TMEM196: variants seen among roughly 807,000 people sequenced by gnomAD.
TMEM196 encodes the protein transmembrane protein 196.
In TMEM196, 17 loss-of-function variants were observed where a neutral mutation model predicts 20.0. The observed-to-expected ratio is 0.85, with a 90% CI of 0.58 to 1.27. The LOEUF (loss-of-function observed/expected upper bound fraction) is 1.27, where lower values mean the gene tolerates loss of function less well. TMEM196 is among the 50% of genes most tolerant of loss of function. TMEM196 has a pLI of 0.00. For missense variants in TMEM196, 267 were observed against 223.0 expected, an observed-to-expected ratio of 1.20 and a Z score of -1.26; for synonymous variants, 113 against 88.9, an observed-to-expected ratio of 1.27 and a Z score of -1.52.
chr7:19,736,908 C>G (rs934159733), intron 1 of TMEM196, among the ~76,000 whole-genome samples: 1 of 151,950 alleles, frequency 6.6e-6, no homozygotes, highest in Admixed American at 6.6e-5. Context: ...TTCCCCAAGT[C>G]TCTAATCTTT....
Position 19,773,460 on chromosome 7 carries a change from G to T in TMEM196, c.-764C>A. 1 of 168,952 alleles carries T rather than the reference G, an allele frequency of 5.9e-6. No homozygotes were observed. 10.5% of individuals were successfully genotyped at this position (168,952 alleles called of 1,614,324 possible). ...CATTGGGGTTTAGGAGGTTGACGGA[G>T]GAGGAAAAAGCCTAATGTATTTGTA... On this transcript the variant is annotated 5_prime_UTR_variant, in exon 1 of 5. Coordinates refer to ENST00000405844, the MANE Select transcript of TMEM196 (RefSeq NM_001363562.2).
intron 1 of TMEM196, among the ~76,000 whole-genome samples, chr7:19,760,738 A>C (rs1344407143): frequency 6.6e-6 from 1 of 152,110 alleles, no homozygotes; most frequent in Non-Finnish European, 1.5e-5. Flanking sequence ...TTCTTTTTTA[A>C]TTAAGCAGCA....
chr7:19,771,711 T>C (rs1202008686), intron 1 of TMEM196, among the ~76,000 whole-genome samples: 2 of 152,232 alleles, frequency 1.3e-5, no homozygotes, highest in Non-Finnish European at 2.9e-5. Flanking sequence ...AGTTATTTTA[T>C]TGAATCTTGG....
At chr7:19,772,527 C>G in intron 1 of TMEM196, 23 bp downstream of exon 1, 1 of 1,527,204 alleles carries the variant, frequency 6.5e-7, no homozygotes, top group Non-Finnish European at 8.8e-7. Flanking sequence ...AATGGCTCAA[C>G]GTACACACAC....
chr7:19,732,587 A>AAC (rs1554298173), intron 1 of TMEM196, among the ~76,000 whole-genome samples: 5,706 of 104,440 alleles, frequency 0.055, 377 homozygotes, highest in African/African-American at 0.22. Flanking sequence ...AAAAAAAACA[A>AAC]AAAAAAAAAA....
chr7:19,760,030 T>A (rs543429874), intron 1 of TMEM196, among the ~76,000 whole-genome samples: 1 of 152,198 alleles, frequency 6.6e-6, no homozygotes, highest in Admixed American at 6.5e-5. Flanking sequence ...TACGGAAAAA[T>A]CTAAATGTTG....
chr7:19,748,253 T>C (rs150416860), intron 1 of TMEM196, among the ~76,000 whole-genome samples: 5 of 107,718 alleles, frequency 4.6e-5, no homozygotes, highest in African/African-American at 2.1e-4. Context: ...AGATGTTCAC[T>C]GTGGCTGTCC....
chr7:19,741,960 T>C (rs184921386), intron 1 of TMEM196, among the ~76,000 whole-genome samples: 23 of 152,172 alleles, frequency 1.5e-4, no homozygotes, highest in African/African-American at 5.5e-4. Flanking sequence ...GCTGAGATGC[T>C]ATTACCTGCT....
chr7:19,759,652 G>A (rs190029023), intron 1 of TMEM196, among the ~76,000 whole-genome samples: 2 of 151,340 alleles, frequency 1.3e-5, no homozygotes, highest in African/African-American at 2.4e-5. Context: ...GCACACACAC[G>A]CAGGCACACA....
intron 1 of TMEM196, among the ~76,000 whole-genome samples, chr7:19,738,918 T>G (rs1224018597): frequency 6.6e-6 from 1 of 152,100 alleles, no homozygotes; most frequent in African/African-American, 2.4e-5. Context: ...ATGATTTTCT[T>G]CGAAAAAGTA....
rs1373530308 is a variant in TMEM196, at chr7:19,726,420, G to A, written c.205-652C>T. ...AAAAAAAGTTCACTCATATTTCATT[G>A]TGCATGTATTTCCTAAGCAAGTACT... On this transcript the variant is annotated intron_variant, in intron 2 of 4. Transcript: ENST00000405844. Among the ~76,000 whole-genome samples the A allele has an allele frequency of 2.6e-5, 4 of 152,130 alleles. No homozygotes were observed. In the East Asian group the frequency reaches 7.7e-4, roughly 29 times the overall value.
intron 1 of TMEM196, among the ~76,000 whole-genome samples, chr7:19,735,538 A>G (rs951883977): frequency 2.6e-5 from 4 of 152,102 alleles, no homozygotes; most frequent in Non-Finnish European, 5.9e-5. Context: ...TCTTTTCTGT[A>G]CAAGAAAGTT....
intron 1 of TMEM196, among the ~76,000 whole-genome samples, chr7:19,730,048 A>T (rs1481400404): frequency 6.6e-6 from 1 of 152,132 alleles, no homozygotes; most frequent in East Asian, 1.9e-4. Context: ...CAAGGTCAGG[A>T]GATCGAGACC....
At chr7:19,731,134 G>C (rs563649271) in intron 1 of TMEM196, among the ~76,000 whole-genome samples, 2 of 151,902 alleles carry the variant, frequency 1.3e-5, no homozygotes, top group Non-Finnish European at 2.9e-5. Context: ...TAATTTTGAC[G>C]GTCAAAAACA....
At chr7:19,741,418 A>G (rs1010300664) in intron 1 of TMEM196, among the ~76,000 whole-genome samples, 1 of 152,196 alleles carries the variant, frequency 6.6e-6, no homozygotes, top group East Asian at 1.9e-4. Context: ...AGGTACAAAA[A>G]TTAATCAATT....
rs1050396523 is a variant in TMEM196 at position 19,724,490 on chromosome 7, C to T, written c.460-137G>A. 3 of 752,788 alleles carry T rather than the reference C, an allele frequency of 4.0e-6. No homozygotes were observed. The Admixed American group carries it at 7.9e-5, about 20-fold the overall frequency. 46.6% of individuals were successfully genotyped at this position (752,788 alleles called of 1,614,324 possible). A position where few individuals can be genotyped will look rare whatever the true frequency, so the allele number is the denominator to read the frequency against. On this transcript the variant is annotated intron_variant, in intron 3 of 4. Transcript: ENST00000405844. The stretch of plus-strand genomic sequence containing the variant: ...AAAATGGTCATCTATTTTTAACAAT[C>T]ATTTCTTTAAATTACTGGAGTCTTG...
intron 1 of TMEM196, among the ~76,000 whole-genome samples, chr7:19,759,016 T>G (rs1785326716): frequency 6.6e-6 from 1 of 152,212 alleles, no homozygotes; most frequent in Non-Finnish European, 1.5e-5. Context: ...TTTTTTCCCT[T>G]TGTACCCCAT....
At chr7:19,747,694 A>G (rs1784812063) in intron 1 of TMEM196, among the ~76,000 whole-genome samples, 1 of 152,254 alleles carries the variant, frequency 6.6e-6, no homozygotes, top group African/African-American at 2.4e-5. Flanking sequence ...GAACCCTCTC[A>G]GTATTTGGTT....
intron 1 of TMEM196, among the ~76,000 whole-genome samples, chr7:19,760,995 A>G (rs530827696): frequency 6.6e-6 from 1 of 152,292 alleles, no homozygotes; most frequent in South Asian, 2.1e-4. Context: ...TGTGGACTAC[A>G]GAGTTAAGGC....
Sources: gnomAD v4.1 joint callset for allele counts (sites outside exome capture counted in the v4.1 genomes callset) on GRCh38, gnomAD v4.1.1 for gene constraint, MANE v1.5 for transcripts, NCBI Gene and HGNC (gene_info 2026-07-23, HGNC 2026-07-21) for gene names.